PIAS1: variants seen among roughly 807,000 people sequenced by gnomAD.
PIAS1 encodes the protein E3 SUMO-protein ligase PIAS1.
Under a neutral mutation model 71.3 loss-of-function variants are expected in PIAS1, and 6 were observed. The ratio of observed to expected loss-of-function variants is 0.08; its 90% CI spans 0.05 to 0.17. PIAS1 has a LOEUF of 0.17. Among genes scored for constraint, PIAS1 ranks in the 10% least tolerant of loss-of-function variants. The pLI, the probability that PIAS1 is intolerant of heterozygous loss-of-function variation, is 1.00. For missense variants in PIAS1, 555 were observed against 793.6 expected (o/e 0.70, Z 3.61); for synonymous variants, 303 against 292.9 (o/e 1.03, Z -0.35).
At chr15:68,151,509 A>G (rs964757795) in intron 6 of PIAS1, among the ~76,000 whole-genome samples, 1 of 152,046 alleles carries the variant, frequency 6.6e-6, no homozygotes, top group Non-Finnish European at 1.5e-5. Flanking sequence ...ATAATGGTGA[A>G]TAAGATTTTT....
rs144457129 is a variant in PIAS1, at chr15:68,174,519, G to T, written c.1169+627G>T. ...AACAAAAACAAATTGTGAAAAGGAG[G>T]ACATCTCCTTGATTTTTTTGGGGAT... On this transcript the variant is annotated intron_variant, in intron 9 of 13. Transcript: ENST00000249636. This position sits in a 1 kb window ranked among gnomAD's most constrained non-coding sequence, Gnocchi z 4.0. Among the ~76,000 whole-genome samples, 106 of 152,282 alleles carry T rather than the reference G, an allele frequency of 7.0e-4. 1 individual carries two copies. The East Asian group carries it at 0.019, about 27-fold the overall frequency.
Position 68,193,221 on chromosome 15 carries a change from T to G in PIAS1, c.*5386T>G, listed in dbSNP as rs961715831. On this transcript the variant is annotated 3_prime_UTR_variant, in exon 14 of 14. Transcript: ENST00000249636. Reference sequence around the variant, plus strand: ...GAACAGCTCGGAATTCTCACAGCATTGGAAGCCCCCTTCTTGAGCTCTGCA... The same window carrying G: ...GAACAGCTCGGAATTCTCACAGCATGGGAAGCCCCCTTCTTGAGCTCTGCA... 6.6e-6 allele frequency: 1 copy of G among 152,388 alleles called. No individual in the cohort carries two copies. Among genetic ancestry groups the G allele is most frequent in the Non-Finnish European group, 1.5e-5 (1 of 68,192 alleles). The allele number at this position is 152,388 out of a possible 1,614,324, so 9.4% of individuals were successfully genotyped here.
chr15:68,120,179 T>C (rs1483610685), intron 2 of PIAS1, among the ~76,000 whole-genome samples: 1 of 152,176 alleles, frequency 6.6e-6, no homozygotes. Flanking sequence ...TCTATACTTT[T>C]ACTTTCAACC....
At chr15:68,072,451 G>A (rs2092109077) in intron 1 of PIAS1, among the ~76,000 whole-genome samples, 1 of 143,376 alleles carries the variant, frequency 7.0e-6, no homozygotes, top group African/African-American at 2.6e-5. Flanking sequence ...GTTGGGGCCA[G>A]ATTGTTATGA....
At chr15:68,056,955 A>C (rs1429501994) in intron 1 of PIAS1, among the ~76,000 whole-genome samples, 2 of 152,176 alleles carry the variant, frequency 1.3e-5, no homozygotes. Flanking sequence ...TTAAATGGGA[A>C]TAGAGTACTT....
Position 68,190,411 on chromosome 15 carries a change from T to C in PIAS1, c.*2576T>C, listed in dbSNP as rs928244200. On this transcript the variant is annotated 3_prime_UTR_variant, in exon 14 of 14. Transcript: ENST00000249636. This position sits in a 1 kb window ranked among gnomAD's most constrained non-coding sequence, Gnocchi z 4.7. ...ATCAGACTTTCATGATCTCTACTAATTATTAGTAGAGTCCTGTACTATGTC... is the reference window on the plus strand; with the variant it reads ...ATCAGACTTTCATGATCTCTACTAACTATTAGTAGAGTCCTGTACTATGTC... The C allele has an allele frequency of 6.6e-6, 1 of 152,214 alleles. No homozygotes were observed. The highest frequency in any genetic ancestry group is 2.4e-5 in the African/African-American group (1 of 41,450). 9.4% of individuals were successfully genotyped at this position (152,214 alleles called of 1,614,324 possible).
At chr15:68,160,639 G>A (rs2092918461) in intron 7 of PIAS1, among the ~76,000 whole-genome samples, 1 of 152,116 alleles carries the variant, frequency 6.6e-6, no homozygotes, top group African/African-American at 2.4e-5. Flanking sequence ...TCTGTAATAC[G>A]AAGTTGGTTT....
At chr15:68,105,888 T>A (rs1415331846) in intron 2 of PIAS1, among the ~76,000 whole-genome samples, 1 of 152,170 alleles carries the variant, frequency 6.6e-6, no homozygotes, top group Non-Finnish European at 1.5e-5. Context: ...TTGTTACATC[T>A]CTTATAGCCC....
chr15:68,082,553 A>G (rs942710661), intron 1 of PIAS1, among the ~76,000 whole-genome samples: 1 of 152,182 alleles, frequency 6.6e-6, no homozygotes, highest in Non-Finnish European at 1.5e-5. Context: ...AGGAAAGCAA[A>G]GTTATACAGA....
Position 68,067,576 on chromosome 15 carries a change from T to C in PIAS1, c.24+13226T>C, listed in dbSNP as rs548647796. On this transcript the variant is annotated intron_variant, in intron 1 of 13. Coordinates refer to ENST00000249636, the MANE Select transcript of PIAS1 (RefSeq NM_016166.3). The stretch of plus-strand genomic sequence containing the variant: ...TTTAACTGGAGGTCATTGTAAACTT[T>C]CTGTGAAGCTTATAATACAAACTAT... Among the ~76,000 whole-genome samples, 5 of 152,260 alleles carry C rather than the reference T, an allele frequency of 3.3e-5. 1 individual carries two copies. The Middle Eastern group carries it at 0.017, about 518-fold the overall frequency.
intron 8 of PIAS1, among the ~76,000 whole-genome samples, chr15:68,170,027 A>G (rs1049173299): frequency 3.9e-5 from 6 of 152,188 alleles, no homozygotes; most frequent in African/African-American, 1.2e-4. Flanking sequence ...CATACCTTCC[A>G]TGAGTGGTGC....
At chr15:68,169,494 C>T (rs550622471) in intron 8 of PIAS1, among the ~76,000 whole-genome samples, 72 of 152,128 alleles carry the variant, frequency 4.7e-4, no homozygotes, top group Middle Eastern at 3.2e-3. Context: ...GCCAACATGG[C>T]GAACCCTGTC....
At chr15:68,142,219 A>G (rs1262457701) in intron 3 of PIAS1, 71 bp from the exon 4 acceptor site, 1 of 1,311,712 alleles carries the variant, frequency 7.6e-7, no homozygotes, top group African/African-American at 1.5e-5. Context: ...TTCTGGAGTA[A>G]CAAGGTCTTT....
chr15:68,135,158 T>G (rs1416746330), intron 2 of PIAS1, among the ~76,000 whole-genome samples: 2 of 30,448 alleles, frequency 6.6e-5, no homozygotes, highest in African/African-American at 1.5e-4. Flanking sequence ...CCCCCCCACC[T>G]CCCTCCCGGA....
At chr15:68,135,663 C>CG (rs1567058535) in intron 2 of PIAS1, among the ~76,000 whole-genome samples, 4 of 64,702 alleles carry the variant, frequency 6.2e-5, no homozygotes, top group Non-Finnish European at 1.3e-4. Flanking sequence ...GCTGGCCTGG[C>CG]GGGGGCTGAC....
At chr15:68,072,399 C>CAAAAAAAAAAAAAAA (rs1166484451) in intron 1 of PIAS1, among the ~76,000 whole-genome samples, 3 of 25,026 alleles carry the variant, frequency 1.2e-4, no homozygotes, top group African/African-American at 4.0e-4. Context: ...GACTCCATCT[C>CAAAAAAAAAAAAAAA]AAAAAAAAAA....
intron 2 of PIAS1, among the ~76,000 whole-genome samples, chr15:68,102,015 C>T (rs1041729644): frequency 8.5e-5 from 13 of 152,186 alleles, no homozygotes; most frequent in African/African-American, 1.2e-4. Context: ...AGATTATGGG[C>T]GTGAGCCACA....
At chr15:68,133,222 C>T (rs1440975562) in intron 2 of PIAS1, among the ~76,000 whole-genome samples, 5 of 151,810 alleles carry the variant, frequency 3.3e-5, no homozygotes, top group African/African-American at 1.2e-4. Flanking sequence ...CTAAGAATGA[C>T]ATTAATGGGA....
At chr15:68,142,362 T>C in intron 4 of PIAS1, 25 bp downstream of exon 4, 2 of 1,525,378 alleles carry the variant, frequency 1.3e-6, no homozygotes. Context: ...ATAGGATATA[T>C]TCAAAGTTTA....
Sources: gnomAD v4.1 joint callset for allele counts (sites outside exome capture counted in the v4.1 genomes callset) on GRCh38, gnomAD v4.1.1 for gene constraint, Gnocchi (gnomAD v3.1) non-coding constraint, MANE v1.5 for transcripts, NCBI Gene and HGNC (gene_info 2026-07-23, HGNC 2026-07-21) for gene names.